BLVRA: variants seen among roughly 807,000 people sequenced by gnomAD.
The protein encoded by BLVRA is biliverdin reductase A.
BLVRA carries 22 observed loss-of-function variants against 32.8 expected under a neutral mutation model. The observed-to-expected ratio is 0.67, with a 90% CI of 0.48 to 0.96. The LOEUF (loss-of-function observed/expected upper bound fraction) is 0.96. BLVRA is among the 40% of genes least tolerant of loss of function. BLVRA has a pLI of 0.00. For missense variants in BLVRA, 323 were observed against 358.1 expected, an observed-to-expected ratio of 0.90 and a Z score of 0.79; for synonymous variants, 119 against 141.3, an observed-to-expected ratio of 0.84 and a Z score of 1.12.
At chr7:43,760,452 C>A (rs776752924) in intron 1 of BLVRA, among the ~76,000 whole-genome samples, 29 of 152,104 alleles carry the variant, frequency 1.9e-4, no homozygotes, top group Admixed American at 1.1e-3. Context: ...AGGAGCTGCG[C>A]GCATTTTCAT....
chr7:43,800,641 C>T (rs2132593031), intron 6 of BLVRA, 69 bp downstream of exon 6: 3 of 1,359,038 alleles, frequency 2.2e-6, no homozygotes, highest in African/African-American at 1.4e-5. Flanking sequence ...TCCTGGCTCT[C>T]TGGGATGGGA....
chr7:43,798,538 A>T (rs1487908619), intron 5 of BLVRA, among the ~76,000 whole-genome samples: 1 of 151,984 alleles, frequency 6.6e-6, no homozygotes. Flanking sequence ...CATTGTTCCA[A>T]ATTTGCTCAG....
At chr7:43,795,461 A>T (rs1274259848) in intron 5 of BLVRA, among the ~76,000 whole-genome samples, 1 of 151,946 alleles carries the variant, frequency 6.6e-6, no homozygotes, top group East Asian at 1.9e-4. Context: ...GGTTGCAGTG[A>T]GGGAGATCGC....
At chr7:43,790,167 C>G (rs1443536100) in intron 3 of BLVRA, among the ~76,000 whole-genome samples, 4 of 152,040 alleles carry the variant, frequency 2.6e-5, no homozygotes, top group Admixed American at 6.5e-5. Flanking sequence ...CACATTCCCC[C>G]ATGACTGCCA....
chr7:43,797,673 C>G (rs906924398), intron 5 of BLVRA, among the ~76,000 whole-genome samples: 2 of 152,152 alleles, frequency 1.3e-5, no homozygotes, highest in Admixed American at 6.5e-5. Context: ...TCAAATTTCA[C>G]CAGTTGTCCC....
chr7:43,788,521 T>C (rs916285704), intron 3 of BLVRA, among the ~76,000 whole-genome samples: 6 of 152,210 alleles, frequency 3.9e-5, no homozygotes, highest in African/African-American at 9.7e-5. Flanking sequence ...GTCTAAGAAC[T>C]GAAGTTGAGC....
rs776868955 is a variant in BLVRA at position 43,802,124 on chromosome 7, G to A, written c.460+1552G>A. On this transcript the variant is annotated intron_variant, in intron 6 of 7. Coordinates refer to ENST00000265523, the MANE Select transcript of BLVRA (RefSeq NM_000712.4). ...ACCACTGCACAGCCTAGGTGACAAC[G>A]AGACTCTGTCTCAAAAACAAACAAA... Among the ~76,000 whole-genome samples the A allele has an allele frequency of 2.8e-4, 42 of 152,194 alleles. No homozygotes were observed. In the Middle Eastern group the frequency reaches 0.01, roughly 37 times the overall value.
At chr7:43,769,047 A>G (rs1487146296) in intron 1 of BLVRA, among the ~76,000 whole-genome samples, 2 of 151,856 alleles carry the variant, frequency 1.3e-5, no homozygotes, top group Admixed American at 1.3e-4. Context: ...CATGTGAGAT[A>G]GTGACTCATG....
At chr7:43,783,414 C>T (rs970913576) in intron 2 of BLVRA, among the ~76,000 whole-genome samples, 6 of 152,180 alleles carry the variant, frequency 3.9e-5, no homozygotes, top group Non-Finnish European at 8.8e-5. Flanking sequence ...ACTAGGCTGT[C>T]GTTTGCTTCT....
At chr7:43,796,943 T>C (rs2095793470) in intron 5 of BLVRA, among the ~76,000 whole-genome samples, 1 of 152,172 alleles carries the variant, frequency 6.6e-6, no homozygotes, top group Admixed American at 6.5e-5. Context: ...CAAACAATCA[T>C]ATGAAAAGAT....
intron 6 of BLVRA, among the ~76,000 whole-genome samples, chr7:43,803,419 A>G (rs2095800832): frequency 6.6e-6 from 1 of 152,164 alleles, no homozygotes; most frequent in African/African-American, 2.4e-5. Flanking sequence ...TGCTGTTTCC[A>G]GTAGAATGTT....
intron 3 of BLVRA, among the ~76,000 whole-genome samples, chr7:43,790,496 G>C (rs908640407): frequency 6.6e-6 from 1 of 151,756 alleles, no homozygotes; most frequent in Non-Finnish European, 1.5e-5. Flanking sequence ...CATACTACTG[G>C]GCTTCGTTAG....
At chr7:43,771,238 G>A in intron 2 of BLVRA, 68 bp downstream of exon 2, 1 of 1,548,230 alleles carries the variant, frequency 6.5e-7, no homozygotes, top group Non-Finnish European at 8.9e-7. Context: ...CTCCTTTGCA[G>A]AGTCTCCATT....
intron 7 of BLVRA, among the ~76,000 whole-genome samples, chr7:43,804,812 TG>T (rs1446732811): frequency 3.9e-5 from 6 of 152,130 alleles, no homozygotes; most frequent in Admixed American, 3.9e-4. Flanking sequence ...GGTTTTAGAG[TG>T]TTTCTGGATG....
At chr7:43,777,932 C>T (rs920064492) in intron 2 of BLVRA, among the ~76,000 whole-genome samples, 2 of 152,222 alleles carry the variant, frequency 1.3e-5, no homozygotes, top group Non-Finnish European at 2.9e-5. Context: ...CAGTTGATCG[C>T]ATTGGCTCCT....
intron 6 of BLVRA, among the ~76,000 whole-genome samples, chr7:43,801,620 TGTGTTAA>T (rs1015878262): frequency 2.8e-4 from 33 of 118,178 alleles, no homozygotes; most frequent in South Asian, 1.6e-3. Flanking sequence ...TACAAGAAAC[TGTGTTAA>T]GTTAAGTAAG....
Position 43,787,040 on chromosome 7 carries a change from G to T in BLVRA, c.13-864G>T, listed in dbSNP as rs1403207481. 6.6e-6 allele frequency among the ~76,000 whole-genome samples: 1 copy of T among 151,794 alleles called. No homozygotes were observed. The highest frequency in any genetic ancestry group is 1.9e-4 in the East Asian group (1 of 5,168). ...CAGGTTCAAGCAATTCTCCTGCCTC[G>T]GCCTCCTAAGTAGCTGGGATTACAG... On this transcript the variant is annotated intron_variant, in intron 2 of 7. Transcript: ENST00000265523. The surrounding 1 kb of genome is among the most constrained non-coding windows in gnomAD (Gnocchi z 4.5).
chr7:43,767,144 C>A, intron 1 of BLVRA: 1 of 477,824 alleles, frequency 2.1e-6, no homozygotes, highest in Non-Finnish European at 3.8e-6. Flanking sequence ...TTTTGTTTTG[C>A]TTTCCCCAGA....
chr7:43,772,882 G>A (rs1387469808), intron 2 of BLVRA, among the ~76,000 whole-genome samples: 1 of 152,212 alleles, frequency 6.6e-6, no homozygotes, highest in Admixed American at 6.5e-5. Flanking sequence ...TACAATTCAA[G>A]ATGAGATTTG....
Sources: allele counts gnomAD v4.1 joint callset (sites outside exome capture counted in the v4.1 genomes callset), GRCh38; gene constraint gnomAD v4.1.1; non-coding constraint Gnocchi (gnomAD v3.1); transcripts MANE v1.5; gene names NCBI Gene and HGNC (gene_info 2026-07-23, HGNC 2026-07-21).